The following SETX variants were observed in gnomAD, a reference collection of about 807,000 sequenced individuals.
SETX encodes helicase senataxin.
In SETX, 90 loss-of-function variants were observed where a neutral mutation model predicts 227.2. The ratio of observed to expected loss-of-function variants is 0.40; its 90% CI spans 0.33 to 0.47. The LOEUF is 0.47. Among genes scored for constraint, SETX ranks in the 20% least tolerant of loss-of-function variants. SETX has a pLI of 0.91. For missense variants in SETX, 3,052 were observed against 3,181.5 expected, an observed-to-expected ratio of 0.96 and a Z score of 0.98; for synonymous variants, 1,210 against 1,113.2, an observed-to-expected ratio of 1.09 and a Z score of -1.73.
chr9:132,322,475 T>C (rs1846423977), intron 10 of SETX, among the ~76,000 whole-genome samples: 2 of 152,228 alleles, frequency 1.3e-5, no homozygotes, highest in African/African-American at 4.8e-5. Flanking sequence ...CGGAATCATA[T>C]AATATGTGAC....
At chr9:132,296,682 A>G (rs1437558571) in intron 14 of SETX, among the ~76,000 whole-genome samples, 1 of 152,110 alleles carries the variant, frequency 6.6e-6, no homozygotes, top group Non-Finnish European at 1.5e-5. Flanking sequence ...GTTTCACATA[A>G]GATAGTGGTT....
intron 18 of SETX, 129 bp downstream of exon 18, chr9:132,286,294 T>G (rs1843883507): frequency 2.9e-6 from 2 of 695,016 alleles, no homozygotes; most frequent in African/African-American, 3.6e-5. Flanking sequence ...CACCCCAGCC[T>G]GAGAGACAGA....
At chr9:132,276,618 T>C (rs746741356) in intron 22 of SETX, among the ~76,000 whole-genome samples, 1 of 152,250 alleles carries the variant, frequency 6.6e-6, no homozygotes, top group Non-Finnish European at 1.5e-5. Context: ...TGCTGTCATA[T>C]ACAGACCACC....
upstream of SETX, among the ~76,000 whole-genome samples, chr9:132,356,208 C>T (rs1413773553): frequency 2.0e-5 from 3 of 151,396 alleles, no homozygotes; most frequent in Admixed American, 2.0e-4. Flanking sequence ...TATCCCCCCC[C>T]TTTTTTGTTT....
chr9:132,330,641 TTGTG>T (rs1368716287), intron 9 of SETX, 142 bp from the exon 10 acceptor site: 14 of 696,188 alleles, frequency 2.0e-5, no homozygotes, highest in Non-Finnish European at 2.0e-5. Context: ...AATGGTATAA[TTGTG>T]GCATATAATT....
intron 4 of SETX, among the ~76,000 whole-genome samples, chr9:132,343,211 C>A (rs1455957566): frequency 6.6e-6 from 1 of 151,978 alleles, no homozygotes; most frequent in Non-Finnish European, 1.5e-5. Context: ...CCCAGCTACT[C>A]GGAAGGCTGA....
In SETX at chr9:132,328,190, C is replaced by T. The variant is rs754548092; in HGVS notation, c.3408G>A (p.Glu1136=). The T allele has an allele frequency of 3.7e-6, 6 of 1,614,016 alleles. No individual in the cohort carries two copies. The highest frequency in any genetic ancestry group is 4.2e-6 in the Non-Finnish European group (5 of 1,180,020). ...GTGGTCTTGTGTGTTCTTCAATGCCCTCTGCTCCTTTTTTAACAACTTCAG... is the reference window on the plus strand; with the variant it reads ...GTGGTCTTGTGTGTTCTTCAATGCCTTCTGCTCCTTTTTTAACAACTTCAG... ...YVSEVVKKGA[E]GIEEHTRPRS... The change falls in exon 10 of 26, where the codon GAG becomes GAA. Residue 1136 remains glutamate (E), a synonymous_variant. Coordinates refer to ENST00000224140, the MANE Select transcript of SETX (RefSeq NM_015046.7).
Position 132,328,864 on chromosome 9 carries a change from G to C in SETX, c.2734C>G (p.Pro912Ala). 6.2e-7 allele frequency: 1 copy of C among 1,614,000 alleles called. No homozygotes were observed. Among genetic ancestry groups the C allele is most frequent in the East Asian group, 2.2e-5 (1 of 44,872 alleles). ...MTNASEKKSSPFKDLMTVPES... is the reference protein window; with the variant it reads ...MTNASEKKSSAFKDLMTVPES... ...GGTACAGTCATAAGATCTTTAAAGG[G>C]AGATGATTTCTTCTCTGAAGCATTG... The change falls in exon 10 of 26, where the codon CCC becomes GCC. Residue 912 changes from proline (P) to alanine (A), a missense_variant. Physicochemically the swap from Pro to Ala is conservative, Grantham distance 27. This residue lies in a region of SETX where 1,483 missense variants were observed against 1,312.0 expected (regional missense o/e 1.13). Transcript: ENST00000224140.
rs777750471 is a variant in SETX, at chr9:132,342,674, C to G, written c.498+16G>C. The G allele has an allele frequency of 3.9e-6, 6 of 1,531,328 alleles. No individual in the cohort carries two copies. The highest frequency in any genetic ancestry group is 3.6e-6 in the Non-Finnish European group (4 of 1,104,690). 94.9% of individuals were successfully genotyped at this position (1,531,328 alleles called of 1,614,324 possible). ...AAGCACAATATACCCTTCTATCGCC[C>G]AACACTCACACTCACCATTTCATTG... On this transcript the variant is annotated intron_variant, in intron 5 of 25. Transcript: ENST00000224140.
rs371166895 is a variant in SETX at position 132,346,408 on chromosome 9, T to C, written c.241A>G (p.Ile81Val). Residue 81 changes from isoleucine (I) to valine (V), a missense_variant, in exon 4 of 26, where the codon ATT becomes GTT. Ile to Val is a conservative substitution (Grantham distance 29). Transcript: ENST00000224140. ...ATATATAACTCATCATCATCTCCAATTTCTGCCTTCATGGATTTTTCAAAG... is the reference window on the plus strand; with the variant it reads ...ATATATAACTCATCATCATCTCCAACTTCTGCCTTCATGGATTTTTCAAAG... Reference protein sequence around the residue: ...NHFEKSMKAEIGDDDELYIVD... With the variant: ...NHFEKSMKAEVGDDDELYIVD... 35 of 1,613,962 alleles carry C rather than the reference T, an allele frequency of 2.2e-5. No individual in the cohort carries two copies. Among genetic ancestry groups the C allele is most frequent in the Admixed American group, 5.0e-5 (3 of 60,018 alleles).
intron 20 of SETX, among the ~76,000 whole-genome samples, chr9:132,278,954 T>G (rs13298201): frequency 0.16 from 25,026 of 152,112 alleles, 2,130 homozygotes; most frequent in East Asian, 0.29. Flanking sequence ...TAATTTCCAG[T>G]GAAGGAAACA....
chr9:132,301,933 G>C (rs1218113817), intron 11 of SETX, among the ~76,000 whole-genome samples: 1 of 152,234 alleles, frequency 6.6e-6, no homozygotes, highest in African/African-American at 2.4e-5. Context: ...ACAAACCACT[G>C]CTGAGAGAAA....
intron 10 of SETX, among the ~76,000 whole-genome samples, chr9:132,325,375 A>C (rs1846668294): frequency 6.6e-6 from 1 of 151,966 alleles, no homozygotes; most frequent in African/African-American, 2.4e-5. Context: ...AAAAAGAAAA[A>C]AGAAAGAAAG....
chr9:132,333,428 C>A (rs1338896415), intron 7 of SETX, among the ~76,000 whole-genome samples: 4 of 133,050 alleles, frequency 3.0e-5, no homozygotes, highest in Admixed American at 7.6e-5. Context: ...CACACACACA[C>A]ACACACACAC....
rs572784605 is a variant in SETX, at chr9:132,325,132, A to G, written c.5274+1192T>C. 5.0e-3 allele frequency among the ~76,000 whole-genome samples: 756 copies of G among 151,992 alleles called. 3 individuals carry two copies. The highest frequency in any genetic ancestry group is 7.5e-3 in the Non-Finnish European group (512 of 67,914). ...AGCACTTTGGGAGGCCAAGGCGGGCAGATCACAAGGTCAGGAGATTGAGAC... is the reference window on the plus strand; with the variant it reads ...AGCACTTTGGGAGGCCAAGGCGGGCGGATCACAAGGTCAGGAGATTGAGAC... On this transcript the variant is annotated intron_variant, in intron 10 of 25. Coordinates refer to ENST00000224140, the MANE Select transcript of SETX (RefSeq NM_015046.7).
chr9:132,275,735 G>A lies in SETX; in HGVS notation c.6936-315C>T, dbSNP rs77811978. On this transcript the variant is annotated intron_variant, in intron 22 of 25. Coordinates refer to ENST00000224140, the MANE Select transcript of SETX (RefSeq NM_015046.7). ...CTTTCTTCATCTGTTGAAACAGGGA[G>A]AGCAGTATTAAGAACAGCAGTATTA... is the stretch of plus-strand genomic sequence containing the variant. Among the ~76,000 whole-genome samples the A allele has an allele frequency of 0.072, 11,012 of 152,284 alleles. 784 individuals carry two copies. The highest frequency in any genetic ancestry group is 0.38 in the East Asian group (1,955 of 5,188).
intron 23 of SETX, among the ~76,000 whole-genome samples, chr9:132,272,781 T>G (rs1193194153): frequency 6.6e-6 from 1 of 152,236 alleles, no homozygotes; most frequent in Non-Finnish European, 1.5e-5. Flanking sequence ...GCATAACATT[T>G]CCAAAGTTCA....
Position 132,346,268 on chromosome 9 carries a change from T to G in SETX, c.381A>C (p.Glu127Asp), listed in dbSNP as rs1296707786. The change falls in exon 4 of 26, where the codon GAA (glutamate) becomes GAC (aspartate). Residue 127 changes from glutamate to aspartate, a missense_variant. Coordinates refer to ENST00000224140, the MANE Select transcript of SETX (RefSeq NM_015046.7). The part of the protein sequence containing the change: ...ILKYPYLLLH[E>D]RVNELCVEAL... Reference sequence around the variant, plus strand: ...AACCATCAAGATACTCACTAACACGTTCATGTAGAAGCAAGTAAGGATATT... The same window carrying G: ...AACCATCAAGATACTCACTAACACGGTCATGTAGAAGCAAGTAAGGATATT... The G allele has an allele frequency of 1.1e-5, 17 of 1,612,234 alleles. No homozygotes were observed. The highest frequency in any genetic ancestry group is 4.0e-5 in the African/African-American group (3 of 74,982).
intron 11 of SETX, among the ~76,000 whole-genome samples, chr9:132,305,164 C>T (rs1845254687): frequency 6.6e-6 from 1 of 151,210 alleles, no homozygotes; most frequent in South Asian, 2.1e-4. Context: ...ACCATCCTGG[C>T]TAACATGGTG....
Sources: gnomAD v4.1 joint callset for allele counts (sites outside exome capture counted in the v4.1 genomes callset) on GRCh38, gnomAD v4.1.1 for gene constraint, gnomAD v4.1.1 regional missense constraint, MANE v1.5 for transcripts, NCBI Gene and HGNC (gene_info 2026-07-23, HGNC 2026-07-21) for gene names.